The following ANK3 variants were observed in gnomAD, a reference collection of about 807,000 sequenced individuals.
ANK3 encodes the protein ankyrin 3.
In ANK3, 57 loss-of-function variants were observed where a neutral mutation model predicts 370.9. The ratio of observed to expected loss-of-function variants is 0.15; its 90% CI spans 0.12 to 0.19. ANK3 has a LOEUF of 0.19. Among genes scored for constraint, ANK3 ranks in the 10% least tolerant of loss-of-function variants. ANK3 has a pLI of 1.00. For synonymous variants in ANK3, 1,929 were observed against 1,946.3 expected (o/e 0.99, Z 0.23); for missense variants, 4,439 against 5,302.1 (o/e 0.84, Z 5.06).
intron 2 of ANK3, among the ~76,000 whole-genome samples, chr10:60,580,791 T>C (rs1225034769): frequency 3.9e-5 from 6 of 152,280 alleles, no homozygotes; most frequent in Non-Finnish European, 8.8e-5. Flanking sequence ...AAAGAACACC[T>C]TCGCAGGGAA....
At chr10:60,524,541 C>A (rs2076423789) in intron 2 of ANK3, among the ~76,000 whole-genome samples, 1 of 152,088 alleles carries the variant, frequency 6.6e-6, no homozygotes. Flanking sequence ...TCTCTCTTTG[C>A]CTGCTGCCAT....
At chr10:60,115,763 A>C (rs2093037393) in intron 25 of ANK3, among the ~76,000 whole-genome samples, 1 of 152,206 alleles carries the variant, frequency 6.6e-6, no homozygotes, top group African/African-American at 2.4e-5. Context: ...GGTTAAAAAA[A>C]AGAAAGAAAA....
chr10:60,262,049 G>A (rs1208838206), intron 6 of ANK3, 92 bp from the exon 7 acceptor site: 1 of 1,046,612 alleles, frequency 9.6e-7, no homozygotes, highest in African/African-American at 1.6e-5. Flanking sequence ...TAAAAATGAG[G>A]AAGCAAAATA....
intron 25 of ANK3, among the ~76,000 whole-genome samples, chr10:60,132,327 G>A (rs1253727574): frequency 6.6e-6 from 1 of 152,168 alleles, no homozygotes; most frequent in Non-Finnish European, 1.5e-5. Context: ...TGTTGTGGGA[G>A]GGACCTGGTG....
At chr10:60,244,475 C>G (rs1212266454) in intron 7 of ANK3, among the ~76,000 whole-genome samples, 5 of 152,210 alleles carry the variant, frequency 3.3e-5, no homozygotes, top group Admixed American at 3.3e-4. Context: ...AATCCAGTAT[C>G]TTCTGCTAAT....
intron 1 of ANK3, among the ~76,000 whole-genome samples, chr10:60,699,554 G>A (rs1290827167): frequency 6.6e-6 from 1 of 151,902 alleles, no homozygotes; most frequent in Non-Finnish European, 1.5e-5. Context: ...TAAAGCCTAT[G>A]TTCATAGAAA....
chr10:60,047,377 G>C (rs962077640), intron 42 of ANK3, among the ~76,000 whole-genome samples: 2 of 152,218 alleles, frequency 1.3e-5, no homozygotes, highest in Non-Finnish European at 2.9e-5. Flanking sequence ...AAATGGAAGA[G>C]TGACAATATG....
At chr10:60,353,298 G>C (rs1223313689) in intron 1 of ANK3, among the ~76,000 whole-genome samples, 1 of 151,772 alleles carries the variant, frequency 6.6e-6, no homozygotes, top group South Asian at 2.1e-4. Flanking sequence ...TGGAGGAACT[G>C]TGAATCTTAA....
chr10:60,366,421 G>C (rs549527569), intron 1 of ANK3, among the ~76,000 whole-genome samples: 1 of 152,118 alleles, frequency 6.6e-6, no homozygotes, highest in South Asian at 2.1e-4. Context: ...TAGTGATAAT[G>C]ACCCTGCCAG....
At chr10:60,603,706 A>G (rs1271280637) in intron 2 of ANK3, among the ~76,000 whole-genome samples, 1 of 152,162 alleles carries the variant, frequency 6.6e-6, no homozygotes, top group African/African-American at 2.4e-5. Flanking sequence ...ATTACAAGCT[A>G]TTAGTTCAAG....
chr10:60,474,339 A>C (rs1334612027), intron 2 of ANK3, among the ~76,000 whole-genome samples: 2 of 152,126 alleles, frequency 1.3e-5, no homozygotes, highest in Admixed American at 6.6e-5. Context: ...GCAAACTTAG[A>C]GATCTTTATG....
intron 1 of ANK3, among the ~76,000 whole-genome samples, chr10:60,638,976 T>A (rs1186765482): frequency 2.6e-5 from 4 of 152,024 alleles, no homozygotes; most frequent in African/African-American, 9.7e-5. Flanking sequence ...AAGTTATGGC[T>A]GAAAATTTTC....
chr10:60,514,071 T>C (rs1466955888), intron 2 of ANK3, among the ~76,000 whole-genome samples: 1 of 152,162 alleles, frequency 6.6e-6, no homozygotes, highest in Non-Finnish European at 1.5e-5. Flanking sequence ...GAATAGTAAA[T>C]GTTTCCCTCC....
chr10:60,126,992 A>G (rs2093796097), intron 25 of ANK3, among the ~76,000 whole-genome samples: 1 of 152,222 alleles, frequency 6.6e-6, no homozygotes, highest in East Asian at 1.9e-4. Context: ...CTGAAATTAA[A>G]TTGCTGGTTT....
At chr10:60,250,886 C>T (rs1003050937) in intron 7 of ANK3, among the ~76,000 whole-genome samples, 1 of 152,204 alleles carries the variant, frequency 6.6e-6, no homozygotes, top group Non-Finnish European at 1.5e-5. Context: ...AGCCAGAACA[C>T]AAGAGGCTGC....
At chr10:60,537,027 A>T (rs2076740504) in intron 2 of ANK3, among the ~76,000 whole-genome samples, 1 of 152,058 alleles carries the variant, frequency 6.6e-6, no homozygotes. Flanking sequence ...AACAGCCAGA[A>T]ATTGCTACTG....
At chr10:60,519,045 T>C (rs1368100936) in intron 2 of ANK3, among the ~76,000 whole-genome samples, 1 of 152,150 alleles carries the variant, frequency 6.6e-6, no homozygotes, top group Non-Finnish European at 1.5e-5. Flanking sequence ...TTTCTGTAGA[T>C]GCTGGAGAGC....
intron 2 of ANK3, among the ~76,000 whole-genome samples, chr10:60,431,761 T>G (rs1014079607): frequency 3.9e-5 from 6 of 152,114 alleles, no homozygotes; most frequent in African/African-American, 1.2e-4. Context: ...ATAAACCTGC[T>G]TGTTCTGCAC....
At chr10:60,128,126 A>G (rs1392731930) in intron 25 of ANK3, among the ~76,000 whole-genome samples, 2 of 152,242 alleles carry the variant, frequency 1.3e-5, no homozygotes, top group Non-Finnish European at 2.9e-5. Flanking sequence ...ATAATCTTTC[A>G]TGCTAAAAAA....
Sources: gnomAD v4.1 joint callset for allele counts (sites outside exome capture counted in the v4.1 genomes callset) on GRCh38, gnomAD v4.1.1 for gene constraint, MANE v1.5 for transcripts, NCBI Gene and HGNC (gene_info 2026-07-23, HGNC 2026-07-21) for gene names.